Variants in SCNN1A observed in about 807,000 individuals in gnomAD.
SCNN1A encodes the protein sodium channel epithelial 1 subunit alpha.
SCNN1A carries 65 observed loss-of-function variants against 68.6 expected under a neutral mutation model. That is an observed-to-expected ratio of 0.95 (90% CI 0.78 to 1.16). The LOEUF (loss-of-function observed/expected upper bound fraction) is 1.16, where lower values mean the gene tolerates loss of function less well. SCNN1A is among the 50% of genes most tolerant of loss of function. SCNN1A has a pLI of 0.00. For synonymous variants in SCNN1A, 357 were observed against 353.3 expected (o/e 1.01, Z -0.12); for missense variants, 880 against 865.9 (o/e 1.02, Z -0.20).
chr12:6,348,369 T>C, intron 12 of SCNN1A, 116 bp from the exon 13 acceptor site: 1 of 1,566,960 alleles, frequency 6.4e-7, no homozygotes, highest in African/African-American at 1.4e-5. Context: ...GACCCCCGAG[T>C]CCTCTCAGCC....
chr12:6,373,967 ACT>A (rs2136912234), intron 2 of SCNN1A, among the ~76,000 whole-genome samples: 1 of 151,372 alleles, frequency 6.6e-6, no homozygotes, highest in South Asian at 2.1e-4. Context: ...CCTCCATCAG[ACT>A]CTCCTGCTGA....
At chr12:6,371,990 G>A (rs1467887050) in intron 2 of SCNN1A, among the ~76,000 whole-genome samples, 10 of 152,058 alleles carry the variant, frequency 6.6e-5, no homozygotes, top group Admixed American at 2.0e-4. Flanking sequence ...AGAGACGGGG[G>A]TTTCACCATG....
chr12:6,375,859 G>C, upstream of SCNN1A: 1 of 1,322,360 alleles, frequency 7.6e-7, no homozygotes, highest in Non-Finnish European at 9.6e-7. Context: ...GAGGGCCTGG[G>C]TGGGGAACCG....
At chr12:6,353,429 G>C (rs1028901690) in intron 8 of SCNN1A, among the ~76,000 whole-genome samples, 6 of 151,938 alleles carry the variant, frequency 3.9e-5, no homozygotes, top group South Asian at 4.2e-4. Context: ...AGCCCCTCCA[G>C]AGCCTGCCCA....
intron 7 of SCNN1A, 78 bp downstream of exon 7, chr12:6,354,672 A>C: frequency 6.9e-7 from 1 of 1,442,506 alleles, no homozygotes; most frequent in Non-Finnish European, 9.8e-7. Flanking sequence ...TCTCTCACAT[A>C]CACAACCCCT....
At chr12:6,363,349 C>T in intron 3 of SCNN1A, 94 bp downstream of exon 3, 3 of 1,157,956 alleles carry the variant, frequency 2.6e-6, no homozygotes, top group Middle Eastern at 3.1e-4. Flanking sequence ...CACTGGGCTG[C>T]GCGGGCGGGT....
Position 6,363,589 on chromosome 12 carries a change from G to A in SCNN1A, c.538C>T (p.Leu180=). 6.2e-7 allele frequency: 1 copy of A among 1,612,234 alleles called. No individual in the cohort carries two copies. The highest frequency in any genetic ancestry group is 1.3e-5 in the African/African-American group (1 of 74,998). Reference sequence around the variant, plus strand: ...AAGGGGTGCGGCAGAGTCCCCCGCAGGTCGCGACGGCTGCGGGAGCCGGCC... The same window carrying A: ...AAGGGGTGCGGCAGAGTCCCCCGCAAGTCGCGACGGCTGCGGGAGCCGGCC... ...LVAGSRSRRD[L]RGTLPHPLQR... Residue 180 remains leucine (L), a synonymous_variant, in exon 3 of 13, where the codon CTG becomes TTG. Transcript: ENST00000228916.
Position 6,372,273 on chromosome 12 carries a change from T to C in SCNN1A, c.416+2095A>G, listed in dbSNP as rs1948806856. On this transcript the variant is annotated intron_variant, in intron 2 of 12. Coordinates refer to ENST00000228916, the MANE Select transcript of SCNN1A (RefSeq NM_001038.6). The surrounding 1 kb of genome is among the most constrained non-coding windows in gnomAD (Gnocchi z 5.8). ...CCCACCTCCCTGGACTTGTCAGTAT[T>C]AAATGAGAGAGTGTCTATAAAGCAC... 6.6e-6 allele frequency among the ~76,000 whole-genome samples: 1 copy of C among 152,216 alleles called. No homozygotes were observed. The highest frequency in any genetic ancestry group is 2.1e-4 in the South Asian group (1 of 4,830).
intron 4 of SCNN1A, among the ~76,000 whole-genome samples, chr12:6,358,244 G>A (rs940004805): frequency 1.3e-5 from 2 of 152,206 alleles, no homozygotes; most frequent in African/African-American, 4.8e-5. Context: ...TACGATTACA[G>A]GGATTCATTA....
At position 6,347,475 on chromosome 12, in the gene SCNN1A, C is replaced by A. The variant is rs1592057306; in HGVS notation, c.*398G>T. 4.5e-6 allele frequency: 1 copy of A among 221,298 alleles called. No individual in the cohort carries two copies. Among genetic ancestry groups the A allele is most frequent in the East Asian group, 1.1e-4 (1 of 9,522 alleles). The allele number at this position is 221,298 out of a possible 1,614,324, so 13.7% of individuals were successfully genotyped here. On this transcript the variant is annotated 3_prime_UTR_variant, in exon 13 of 13. Coordinates refer to ENST00000228916, the MANE Select transcript of SCNN1A (RefSeq NM_001038.6). ...AGTCGGGGGCTGGCTTAAGCCGTCG[C>A]TGGGCAGGAAACCCGTGCATGCCTG... is the stretch of plus-strand genomic sequence containing the variant.
chr12:6,373,933 C>A (rs886654727), intron 2 of SCNN1A, among the ~76,000 whole-genome samples: 1 of 152,210 alleles, frequency 6.6e-6, no homozygotes, highest in South Asian at 2.1e-4. Context: ...TGCACGGTCT[C>A]GCCTCCCCTC....
upstream of SCNN1A, chr12:6,376,014 G>A: frequency 2.0e-6 from 2 of 1,000,386 alleles, no homozygotes; most frequent in Non-Finnish European, 2.4e-6. Flanking sequence ...ACCAAAGGGA[G>A]TCTGTCTCCA....
rs968723053 is a variant in SCNN1A, at chr12:6,372,405, C to T, written c.416+1963G>A. Among the ~76,000 whole-genome samples the T allele has an allele frequency of 2.0e-5, 3 of 152,194 alleles. No individual in the cohort carries two copies. The highest frequency in any genetic ancestry group is 7.2e-5 in the African/African-American group (3 of 41,440). On this transcript the variant is annotated intron_variant, in intron 2 of 12. Transcript: ENST00000228916. The surrounding 1 kb of genome is among the most constrained non-coding windows in gnomAD (Gnocchi z 5.8). ...GCTGGGGAGCCCTTCCCCGACTCCTCTCCTCTCCTAGGTGTTCTCTCCCTC... is the reference window on the plus strand; with the variant it reads ...GCTGGGGAGCCCTTCCCCGACTCCTTTCCTCTCCTAGGTGTTCTCTCCCTC...
At chr12:6,371,155 G>C (rs1375642831) in intron 2 of SCNN1A, among the ~76,000 whole-genome samples, 1 of 152,110 alleles carries the variant, frequency 6.6e-6, no homozygotes, top group East Asian at 1.9e-4. Flanking sequence ...GCGACCCTCA[G>C]CAGGTAGGCA....
Position 6,369,421 on chromosome 12 carries a change from C to T in SCNN1A, c.416+4947G>A, listed in dbSNP as rs572012882. Reference sequence around the variant, plus strand: ...CCCCCCACTGAGCACAGCCTGGGCTCCCAGCCCTTGATCCCACACACACAA... The same window carrying T: ...CCCCCCACTGAGCACAGCCTGGGCTTCCAGCCCTTGATCCCACACACACAA... On this transcript the variant is annotated intron_variant, in intron 2 of 12. Coordinates refer to ENST00000228916, the MANE Select transcript of SCNN1A (RefSeq NM_001038.6). Among the ~76,000 whole-genome samples, 42 of 151,916 alleles carry T rather than the reference C, an allele frequency of 2.8e-4. No homozygotes were observed. In the East Asian group the frequency reaches 3.7e-3, roughly 13 times the overall value.
At position 6,364,980 on chromosome 12, in the gene SCNN1A, G is replaced by GATAT. The variant is rs374401907; in HGVS notation, c.417-1274_417-1271dup. On this transcript the variant is annotated intron_variant, in intron 2 of 12. Coordinates refer to ENST00000228916, the MANE Select transcript of SCNN1A (RefSeq NM_001038.6). The stretch of plus-strand genomic sequence containing the variant: ...TAAATCAAAGATCAGAATAAGTGGA[G>GATAT]ATATATATATATATGGATTCAACAC... 4.1e-5 allele frequency among the ~76,000 whole-genome samples: 6 copies of GATAT among 147,568 alleles called. No homozygotes were observed. The East Asian group carries it at 9.8e-4, about 24-fold the overall frequency.
chr12:6,371,639 GTTAC>G (rs962630601), intron 2 of SCNN1A, among the ~76,000 whole-genome samples: 1 of 151,870 alleles, frequency 6.6e-6, no homozygotes, highest in African/African-American at 2.4e-5. Context: ...AGTTGAGGCA[GTTAC>G]TTAACTCTCT....
At position 6,374,478 on chromosome 12, in the gene SCNN1A, G is replaced by C. The variant is rs766337568; in HGVS notation, c.306C>G (p.Phe102Leu). Residue 102 changes from phenylalanine (F) to leucine (L), a missense_variant, in exon 2 of 13, where the codon TTC (phenylalanine) becomes TTG (leucine). Coordinates refer to ENST00000228916, the MANE Select transcript of SCNN1A (RefSeq NM_001038.6). The surrounding 1 kb of genome is among the most constrained non-coding windows in gnomAD (Gnocchi z 6.2). ...TGAAGTACTCTCCGAAAAGCAGGCC[G>C]AATTGCCAGTACATCATGCCAAAGG... Reference protein sequence around the residue: ...LCTFGMMYWQFGLLFGEYFSY... With the variant: ...LCTFGMMYWQLGLLFGEYFSY... The C allele has an allele frequency of 1.2e-6, 2 of 1,614,244 alleles. No homozygotes were observed. The highest frequency in any genetic ancestry group is 2.2e-5 in the South Asian group (2 of 91,082).
At chr12:6,373,693 G>A (rs542820805) in intron 2 of SCNN1A, among the ~76,000 whole-genome samples, 2 of 152,294 alleles carry the variant, frequency 1.3e-5, no homozygotes, top group East Asian at 1.9e-4. Context: ...GCACGTAAAG[G>A]TCAGGCACCT....
Sources: gnomAD v4.1 joint callset for allele counts (sites outside exome capture counted in the v4.1 genomes callset) on GRCh38, gnomAD v4.1.1 for gene constraint, Gnocchi (gnomAD v3.1) non-coding constraint, MANE v1.5 for transcripts, NCBI Gene and HGNC (gene_info 2026-07-23, HGNC 2026-07-21) for gene names.